Variants in ITPR1 observed in about 807,000 individuals in gnomAD.
ITPR1 encodes inositol 1,4,5-trisphosphate receptor type 1, also known as inositol 1,4,5-trisphosphate-gated calcium channel ITPR1.
Under a neutral mutation model 318.4 loss-of-function variants are expected in ITPR1, and 96 were observed. The ratio of observed to expected loss-of-function variants is 0.30; its 90% CI spans 0.26 to 0.36. The LOEUF (loss-of-function observed/expected upper bound fraction) is 0.36, where lower values mean the gene tolerates loss of function less well. ITPR1 is among the 10% of genes least tolerant of loss of function. The pLI is 1.00. For missense variants in ITPR1, 2,440 were observed against 3,460.2 expected (o/e 0.71, Z 7.40); for synonymous variants, 1,312 against 1,289.9 (o/e 1.02, Z -0.37).
At chr3:4,774,252 A>G (rs982361629) in intron 46 of ITPR1, among the ~76,000 whole-genome samples, 4 of 152,254 alleles carry the variant, frequency 2.6e-5, no homozygotes, top group African/African-American at 4.8e-5. Flanking sequence ...TGATGTAGAT[A>G]TACTGTAATT....
rs558757744 is a variant in ITPR1, at chr3:4,595,889, C to T, written c.164-31874C>T. Among the ~76,000 whole-genome samples, 38 of 152,176 alleles carry T rather than the reference C, an allele frequency of 2.5e-4. No individual in the cohort carries two copies. In the South Asian group the frequency reaches 7.9e-3, roughly 32 times the overall value. On this transcript the variant is annotated intron_variant, in intron 4 of 61. Transcript: ENST00000649015. ...GAAATCAGAAAGGTCAGGTATGGCT[C>T]TCATGTCGTAGATGAAGAACTATGG...
intron 4 of ITPR1, among the ~76,000 whole-genome samples, chr3:4,538,849 G>A (rs1258782730): frequency 6.6e-6 from 1 of 152,114 alleles, no homozygotes; most frequent in African/African-American, 2.4e-5. Flanking sequence ...ACACAGAGAG[G>A]GGAGCAACAC....
At chr3:4,598,773 A>C (rs1407424620) in intron 4 of ITPR1, among the ~76,000 whole-genome samples, 1 of 152,208 alleles carries the variant, frequency 6.6e-6, no homozygotes, top group Non-Finnish European at 1.5e-5. Flanking sequence ...CCAAAATTAT[A>C]CCTAAAAATT....
At chr3:4,731,006 C>G (rs930350177) in intron 42 of ITPR1, among the ~76,000 whole-genome samples, 1 of 152,164 alleles carries the variant, frequency 6.6e-6, no homozygotes, top group Non-Finnish European at 1.5e-5. Context: ...GCCAATCACT[C>G]CTGTTGCTGG....
intron 44 of ITPR1, among the ~76,000 whole-genome samples, chr3:4,759,005 T>C (rs114443928): frequency 0.026 from 3,995 of 152,326 alleles, 174 homozygotes; most frequent in African/African-American, 0.092. Context: ...AATACCCCTT[T>C]CCAGGGAAGG....
chr3:4,684,421 T>C (rs2094354802), intron 29 of ITPR1, 75 bp downstream of exon 29: 1 of 1,052,864 alleles, frequency 9.5e-7, no homozygotes, highest in South Asian at 1.4e-5. Flanking sequence ...GATAGTCAAG[T>C]TGAAGGTACA....
At chr3:4,615,911 A>G (rs1198180985) in intron 4 of ITPR1, among the ~76,000 whole-genome samples, 1 of 152,176 alleles carries the variant, frequency 6.6e-6, no homozygotes, top group Non-Finnish European at 1.5e-5. Flanking sequence ...TTCTATTTAG[A>G]GAAAGCATCT....
chr3:4,753,570 G>C (rs917577063), intron 44 of ITPR1, among the ~76,000 whole-genome samples: 5 of 152,100 alleles, frequency 3.3e-5, no homozygotes, highest in Admixed American at 3.3e-4. Context: ...CATTCTGCTG[G>C]GGACCAGACT....
chr3:4,628,947 G>T (rs2092927462), intron 5 of ITPR1, among the ~76,000 whole-genome samples: 1 of 152,220 alleles, frequency 6.6e-6, no homozygotes, highest in African/African-American at 2.4e-5. Context: ...GCTGCATTTG[G>T]TCAGGTGAGG....
intron 60 of ITPR1, among the ~76,000 whole-genome samples, chr3:4,835,412 T>C (rs2050827269): frequency 6.6e-6 from 1 of 152,156 alleles, no homozygotes; most frequent in South Asian, 2.1e-4. Context: ...ACATACCCAT[T>C]TATTTATTTA....
At chr3:4,763,842 G>A (rs371644763) in intron 44 of ITPR1, among the ~76,000 whole-genome samples, 14 of 152,262 alleles carry the variant, frequency 9.2e-5, no homozygotes, top group South Asian at 2.1e-4. Flanking sequence ...AGCGCGGTCC[G>A]TGGCAGGCTA....
chr3:4,654,605 A>G (rs1008387724), intron 12 of ITPR1, among the ~76,000 whole-genome samples: 1 of 152,158 alleles, frequency 6.6e-6, no homozygotes, highest in Non-Finnish European at 1.5e-5. Context: ...CTAGGATTGA[A>G]ACAGTTGCTC....
intron 44 of ITPR1, among the ~76,000 whole-genome samples, chr3:4,760,822 C>T (rs749308998): frequency 1.1e-4 from 17 of 152,166 alleles, no homozygotes; most frequent in African/African-American, 3.1e-4. Context: ...GCCTCCACAG[C>T]GAAGGCTCCT....
rs116897886 is a variant in ITPR1 at position 4,708,867 on chromosome 3, G to A, written c.4843-1458G>A. On this transcript the variant is annotated intron_variant, in intron 37 of 61. Transcript: ENST00000649015. The stretch of plus-strand genomic sequence containing the variant: ...CACTTCTATAATTAATCCCCATCTA[G>A]ACATCCTTCTCACTTAATGCTAGCA... Among the ~76,000 whole-genome samples the A allele has an allele frequency of 3.5e-4, 54 of 152,306 alleles. No individual in the cohort carries two copies. In the East Asian group the frequency reaches 8.1e-3, roughly 23 times the overall value.
At chr3:4,748,971 G>C (rs2044305684) in intron 44 of ITPR1, among the ~76,000 whole-genome samples, 1 of 152,188 alleles carries the variant, frequency 6.6e-6, no homozygotes. Flanking sequence ...ATTTAGAAGA[G>C]AAGGCACAAG....
At chr3:4,704,779 A>G (rs190310956) in intron 36 of ITPR1, among the ~76,000 whole-genome samples, 26 of 151,832 alleles carry the variant, frequency 1.7e-4, no homozygotes, top group Non-Finnish European at 5.9e-5. Context: ...TGAAAACAGC[A>G]CTACCCAGAG....
At chr3:4,667,633 C>T in intron 18 of ITPR1, 84 bp downstream of exon 18, 1 of 1,323,112 alleles carries the variant, frequency 7.6e-7, no homozygotes, top group East Asian at 2.4e-5. Context: ...ACTACGTTTC[C>T]TTGTGCTGCT....
intron 33 of ITPR1, 99 bp downstream of exon 33, chr3:4,693,840 C>T (rs995156005): frequency 6.2e-6 from 8 of 1,291,706 alleles, no homozygotes; most frequent in African/African-American, 1.5e-5. Flanking sequence ...TGGGGGAGCC[C>T]TCATGGCTCT....
At chr3:4,829,818 T>G (rs1309761797) in intron 60 of ITPR1, among the ~76,000 whole-genome samples, 1 of 152,102 alleles carries the variant, frequency 6.6e-6, no homozygotes, top group Non-Finnish European at 1.5e-5. Flanking sequence ...GAATAGTTTC[T>G]GCTCTAAAAA....
Sources: gnomAD v4.1 joint callset for allele counts (sites outside exome capture counted in the v4.1 genomes callset) on GRCh38, gnomAD v4.1.1 for gene constraint, MANE v1.5 for transcripts, NCBI Gene and HGNC (gene_info 2026-07-23, HGNC 2026-07-21) for gene names.